Variants in SORCS1 observed in about 807,000 individuals in gnomAD.
The protein encoded by SORCS1 is sortilin related VPS10 domain containing receptor 1, also known as VPS10 domain-containing receptor SorCS1.
In SORCS1, 60 loss-of-function variants were observed where a neutral mutation model predicts 146.1. The ratio of observed to expected loss-of-function variants is 0.41; its 90% CI spans 0.33 to 0.51. The LOEUF (loss-of-function observed/expected upper bound fraction) is 0.51, where lower values mean the gene tolerates loss of function less well. Among genes scored for constraint, SORCS1 ranks in the 20% least tolerant of loss-of-function variants. The pLI is 0.21. For missense variants in SORCS1, 1,352 were observed against 1,487.6 expected (o/e 0.91, Z 1.50); for synonymous variants, 637 against 584.0 (o/e 1.09, Z -1.31).
chr10:106,766,117 AGG>A (rs1196078767), intron 4 of SORCS1, among the ~76,000 whole-genome samples: 1 of 152,084 alleles, frequency 6.6e-6, no homozygotes, highest in Non-Finnish European at 1.5e-5. Context: ...GCTCCTTAGG[AGG>A]CGCCTGTGTT....
chr10:107,143,524 G>A (rs1471995532), intron 1 of SORCS1, among the ~76,000 whole-genome samples: 3 of 151,902 alleles, frequency 2.0e-5, no homozygotes, highest in Non-Finnish European at 4.4e-5. Flanking sequence ...TTCTTTTTGA[G>A]ATGGAATCTC....
At chr10:107,056,250 T>C (rs1037190505) in intron 1 of SORCS1, among the ~76,000 whole-genome samples, 1 of 152,150 alleles carries the variant, frequency 6.6e-6, no homozygotes, top group South Asian at 2.1e-4. Flanking sequence ...AGCTGAGCAA[T>C]AGGGCAGGAC....
chr10:106,698,163 C>T (rs1853849145), intron 9 of SORCS1, among the ~76,000 whole-genome samples: 1 of 152,180 alleles, frequency 6.6e-6, no homozygotes, highest in Non-Finnish European at 1.5e-5. Context: ...AAGAAAATCA[C>T]TAAGAACCTC....
At chr10:107,059,690 T>C (rs1482452730) in intron 1 of SORCS1, among the ~76,000 whole-genome samples, 1 of 152,114 alleles carries the variant, frequency 6.6e-6, no homozygotes, top group Non-Finnish European at 1.5e-5. Flanking sequence ...GCTTTGACTA[T>C]GAGCTTTATT....
intron 5 of SORCS1, among the ~76,000 whole-genome samples, chr10:106,748,111 G>T (rs1050354816): frequency 6.6e-6 from 1 of 151,936 alleles, no homozygotes. Flanking sequence ...GGCATACTTT[G>T]ATTGCACTTC....
intron 2 of SORCS1, among the ~76,000 whole-genome samples, chr10:106,852,012 A>G (rs1005963582): frequency 6.6e-6 from 1 of 152,144 alleles, no homozygotes; most frequent in African/African-American, 2.4e-5. Context: ...TTACTAGTGT[A>G]TATTACTTTT....
intron 4 of SORCS1, among the ~76,000 whole-genome samples, chr10:106,775,085 G>A (rs889230506): frequency 6.6e-6 from 1 of 152,320 alleles, no homozygotes; most frequent in African/African-American, 2.4e-5. Context: ...GGGAACGAAA[G>A]GGTTACATAT....
chr10:106,769,063 T>C (rs530635328), intron 4 of SORCS1, among the ~76,000 whole-genome samples: 5 of 152,328 alleles, frequency 3.3e-5, no homozygotes, highest in Non-Finnish European at 5.9e-5. Flanking sequence ...GAAACCTTAG[T>C]ATGACTGAGA....
intron 2 of SORCS1, among the ~76,000 whole-genome samples, chr10:106,908,298 T>A (rs1952001448): frequency 6.6e-6 from 1 of 152,178 alleles, no homozygotes; most frequent in Non-Finnish European, 1.5e-5. Context: ...CTGGCATATG[T>A]CTTAAATACG....
At chr10:107,078,528 T>G (rs1345100330) in intron 1 of SORCS1, among the ~76,000 whole-genome samples, 1 of 152,180 alleles carries the variant, frequency 6.6e-6, no homozygotes, top group Non-Finnish European at 1.5e-5. Context: ...TGAAAACAAT[T>G]CCAAAAACAA....
chr10:106,766,150 C>T (rs547020591), intron 4 of SORCS1, among the ~76,000 whole-genome samples: 3 of 152,250 alleles, frequency 2.0e-5, no homozygotes, highest in Non-Finnish European at 2.9e-5. Flanking sequence ...ATCCTGCTGT[C>T]GGCTCTTTTC....
intron 24 of SORCS1, among the ~76,000 whole-genome samples, chr10:106,580,347 G>A (rs1286766929): frequency 2.0e-5 from 3 of 152,182 alleles, no homozygotes; most frequent in Non-Finnish European, 4.4e-5. Flanking sequence ...CTGCCTCCAT[G>A]AAAGAGTCTC....
At chr10:106,597,590 G>C in intron 23 of SORCS1, 140 bp from the exon 24 acceptor site, 2 of 618,940 alleles carry the variant, frequency 3.2e-6, no homozygotes, top group South Asian at 2.2e-5. Flanking sequence ...ATATGATTTT[G>C]ATTTAATTCC....
chr10:106,925,342 A>G (rs1029562499), intron 2 of SORCS1, among the ~76,000 whole-genome samples: 1 of 152,160 alleles, frequency 6.6e-6, no homozygotes, highest in South Asian at 2.1e-4. Context: ...CACAAGGTAT[A>G]GCATTCACTC....
At chr10:106,880,708 A>C (rs1463631136) in intron 2 of SORCS1, among the ~76,000 whole-genome samples, 1 of 152,168 alleles carries the variant, frequency 6.6e-6, no homozygotes, top group Non-Finnish European at 1.5e-5. Context: ...CAAACAATGA[A>C]GTAGAAGAGA....
At chr10:106,664,591 G>A (rs1354317736) in intron 17 of SORCS1, among the ~76,000 whole-genome samples, 7 of 152,066 alleles carry the variant, frequency 4.6e-5, no homozygotes, top group Admixed American at 1.3e-4. Context: ...GCAGTGAGCC[G>A]AGATCGTGCC....
Position 106,624,774 on chromosome 10 carries a change from C to T in SORCS1, c.2663-4213G>A, listed in dbSNP as rs182680921. On this transcript the variant is annotated intron_variant, in intron 19 of 25. Transcript: ENST00000263054. ...CATACATGCATATACATTATATATG[C>T]ATACACATATTAAATTTATCTTTCA... Among the ~76,000 whole-genome samples the T allele has an allele frequency of 1.5e-3, 224 of 152,332 alleles. 2 individuals carry two copies. Among genetic ancestry groups the T allele is most frequent in the Middle Eastern group, 3.4e-3 (1 of 294 alleles).
intron 6 of SORCS1, among the ~76,000 whole-genome samples, chr10:106,725,316 G>A (rs778573884): frequency 3.2e-4 from 49 of 152,006 alleles, no homozygotes; most frequent in Non-Finnish European, 4.1e-4. Context: ...TTGAAAGGCC[G>A]AGGCAGGTGG....
Position 106,793,936 on chromosome 10 carries a change from A to G in SORCS1, c.727-17244T>C, listed in dbSNP as rs539134732. 2.6e-5 allele frequency among the ~76,000 whole-genome samples: 4 copies of G among 152,360 alleles called. No homozygotes were observed. In the East Asian group the frequency reaches 7.7e-4, roughly 29 times the overall value. ...GTAAATGAGCACATGTGCCTTTTCA[A>G]TGTTCAACAAATTCCTGAAGCCACA... On this transcript the variant is annotated intron_variant, in intron 3 of 25. Transcript: ENST00000263054.
Sources: gnomAD v4.1 joint callset for allele counts (sites outside exome capture counted in the v4.1 genomes callset) on GRCh38, gnomAD v4.1.1 for gene constraint, MANE v1.5 for transcripts, NCBI Gene and HGNC (gene_info 2026-07-23, HGNC 2026-07-21) for gene names.